Variants in COL27A1 observed in about 807,000 individuals in gnomAD.
COL27A1 encodes collagen type XXVII alpha 1 chain, also known as collagen alpha-1(XXVII) chain.
In COL27A1, 106 loss-of-function variants were observed where a neutral mutation model predicts 251.3. The observed-to-expected ratio is 0.42, with a 90% CI of 0.36 to 0.50. The LOEUF (loss-of-function observed/expected upper bound fraction) is 0.50. Ranked by LOEUF, COL27A1 falls within the 20% of genes least tolerant of loss-of-function variation. COL27A1 has a pLI of 0.00. For missense variants in COL27A1, 2,325 were observed against 2,522.8 expected, an observed-to-expected ratio of 0.92 and a Z score of 1.68; for synonymous variants, 1,000 against 986.3, an observed-to-expected ratio of 1.01 and a Z score of -0.26.
In COL27A1 at chr9:114,292,140, G is replaced by T; in HGVS notation, c.4514G>T (p.Gly1505Val). The stretch of plus-strand genomic sequence containing the variant: ...TTACCCGGACAGCTGGGTCCCCCTG[G>T]CAAGCGAGGAACAGAGGGCAGAACG... ...SGLPGQLGPP[G>V]KRGTEGRTGL... The change falls in exon 49 of 61, where the codon GGC (glycine) becomes GTC (valine). Residue 1505 changes from glycine (G) to valine (V), a missense_variant. By Grantham distance (109) the Gly-to-Val change is moderately radical. Coordinates refer to ENST00000356083, the MANE Select transcript of COL27A1 (RefSeq NM_032888.4). 1 of 1,561,422 alleles carries T rather than the reference G, an allele frequency of 6.4e-7. No individual in the cohort carries two copies. Among genetic ancestry groups the T allele is most frequent in the Non-Finnish European group, 8.7e-7 (1 of 1,152,540 alleles).
intron 29 of COL27A1, 104 bp from the exon 30 acceptor site, chr9:114,264,820 G>A: frequency 8.2e-7 from 1 of 1,213,900 alleles, no homozygotes; most frequent in Non-Finnish European, 1.2e-6. Context: ...CAGACTCTGT[G>A]GCCTCAAACG....
intron 12 of COL27A1, among the ~76,000 whole-genome samples, chr9:114,214,995 T>A (rs1830626202): frequency 6.6e-6 from 1 of 152,224 alleles, no homozygotes; most frequent in South Asian, 2.1e-4. Flanking sequence ...CTTCTCCAAA[T>A]GTACTTTCAA....
chr9:114,233,833 T>G (rs1049929632), intron 16 of COL27A1, among the ~76,000 whole-genome samples: 5 of 152,134 alleles, frequency 3.3e-5, no homozygotes, highest in Admixed American at 6.5e-5. Flanking sequence ...CAAATGTCTT[T>G]AGGGGAAAAA....
At chr9:114,215,077 A>G (rs1414151744) in intron 12 of COL27A1, among the ~76,000 whole-genome samples, 1 of 152,248 alleles carries the variant, frequency 6.6e-6, no homozygotes, top group African/African-American at 2.4e-5. Context: ...CAGGACTGCC[A>G]AGGCTGGCCT....
chr9:114,160,684 G>GAA (rs34482323), intron 1 of COL27A1, among the ~76,000 whole-genome samples: 1 of 134,448 alleles, frequency 7.4e-6, no homozygotes, highest in East Asian at 2.3e-4. Context: ...AAAAAAAAAT[G>GAA]AAAAAAAAAA....
At chr9:114,251,859 C>T (rs1833566217) in intron 25 of COL27A1, among the ~76,000 whole-genome samples, 1 of 152,244 alleles carries the variant, frequency 6.6e-6, no homozygotes, top group Non-Finnish European at 1.5e-5. Flanking sequence ...CACCTTAGCA[C>T]CATGACCCCC....
At chr9:114,289,077 G>T (rs1414282127) in intron 44 of COL27A1, 110 bp downstream of exon 44, 22 of 1,429,528 alleles carry the variant, frequency 1.5e-5, no homozygotes, top group Non-Finnish European at 1.4e-5. Flanking sequence ...CCTGCAGGAG[G>T]GTCTGGGGCA....
chr9:114,168,343 A>G lies in COL27A1; in HGVS notation c.788A>G (p.Asp263Gly). Residue 263 changes from aspartate (D) to glycine (G), a missense_variant, in exon 3 of 61, where the codon GAC becomes GGC. Physicochemically the swap from Asp to Gly is moderately conservative, Grantham distance 94 (BLOSUM62 -1). Transcript: ENST00000356083. ...GGCAGACCTTTTACCTTCCAGTCCG[A>G]CCTCGCCCTGCTAGGCCTGGAGAAC... ...DSGRPFTFQS[D>G]LALLGLENLT... 3.1e-6 allele frequency: 5 copies of G among 1,613,036 alleles called. No homozygotes were observed. The highest frequency in any genetic ancestry group is 4.2e-6 in the Non-Finnish European group (5 of 1,179,942).
chr9:114,231,162 C>T, intron 15 of COL27A1, 30 bp downstream of exon 15: 1 of 1,610,060 alleles, frequency 6.2e-7, no homozygotes. Context: ...CCGATTCAGG[C>T]CTTGTCCAAG....
chr9:114,162,735 T>A lies in COL27A1; in HGVS notation c.83T>A (p.Ile28Asn). ...ARGGGFLFSW[I>N]LVSFACHLAS... ...TCTAGGGGGTTTCTCTTCTCCTGGA[T>A]CTTAGTCTCGTTTGCCTGTCACCTG... The change falls in exon 2 of 61, where the codon ATC (isoleucine) becomes AAC (asparagine). Residue 28 changes from isoleucine to asparagine, a missense_variant. Physicochemically the swap from Ile to Asn is moderately radical, Grantham distance 149. This residue lies in a region of COL27A1 where 1,183 missense variants were observed against 1,144.1 expected (regional missense o/e 1.03). Transcript: ENST00000356083. The A allele has an allele frequency of 1.2e-6, 2 of 1,612,794 alleles. No homozygotes were observed. The highest frequency in any genetic ancestry group is 1.7e-6 in the Non-Finnish European group (2 of 1,179,652).
At chr9:114,283,895 A>C in intron 40 of COL27A1, 133 bp downstream of exon 40, 1 of 896,054 alleles carries the variant, frequency 1.1e-6, no homozygotes, top group Non-Finnish European at 1.7e-6. Context: ...GTGGGGTCTC[A>C]CCTGCCCCAG....
chr9:114,155,786 C>A lies in COL27A1; in HGVS notation c.-165C>A, dbSNP rs1292584215. 7.8e-6 allele frequency: 3 copies of A among 382,464 alleles called. No homozygotes were observed. The highest frequency in any genetic ancestry group is 4.4e-5 in the African/African-American group (2 of 45,580). 23.7% of individuals were successfully genotyped at this position (382,464 alleles called of 1,614,324 possible). On this transcript the variant is annotated 5_prime_UTR_variant, in exon 1 of 61. Coordinates refer to ENST00000356083, the MANE Select transcript of COL27A1 (RefSeq NM_032888.4). The surrounding 1 kb of genome is among the most constrained non-coding windows in gnomAD (Gnocchi z 5.5). ...GCGCGGGCGCCCGCGGGGCCCCAGC[C>A]GCGCTGCCTGCCTGCTCGGGCGCCC...
chr9:114,219,912 C>A, intron 13 of COL27A1, 68 bp downstream of exon 13: 2 of 1,236,414 alleles, frequency 1.6e-6, no homozygotes, highest in Non-Finnish European at 2.4e-6. Flanking sequence ...TTTTAGGAGC[C>A]CACGCTTTAG....
chr9:114,291,033 C>A, intron 48 of COL27A1, 116 bp downstream of exon 48: 1 of 683,802 alleles, frequency 1.5e-6, no homozygotes, highest in Non-Finnish European at 2.4e-6. Flanking sequence ...AAATGGAGTC[C>A]ACATTGTTGA....
rs186850634 is a variant in COL27A1 at position 114,227,282 on chromosome 9, A to G, written c.2467-3797A>G. 3.6e-3 allele frequency among the ~76,000 whole-genome samples: 544 copies of G among 150,472 alleles called. 4 individuals carry two copies. Among genetic ancestry groups the G allele is most frequent in the African/African-American group, 0.013 (531 of 40,862 alleles). On this transcript the variant is annotated intron_variant, in intron 14 of 60. Transcript: ENST00000356083. ...GACCTGATGCCCTGTCTCATGTGAG[A>G]CATAGCAATAGGAAAGGCAACCTTG...
At chr9:114,229,919 G>T (rs1161848323) in intron 14 of COL27A1, among the ~76,000 whole-genome samples, 2 of 152,192 alleles carry the variant, frequency 1.3e-5, no homozygotes, top group African/African-American at 2.4e-5. Flanking sequence ...GTGCACTGCA[G>T]CATGCTCAGC....
intron 60 of COL27A1, among the ~76,000 whole-genome samples, chr9:114,310,281 T>C (rs769027258): frequency 6.6e-6 from 1 of 152,220 alleles, no homozygotes; most frequent in Non-Finnish European, 1.5e-5. Context: ...ACTTGTTTTT[T>C]GGTCTAGCAA....
chr9:114,178,258 C>T (rs747859207), intron 3 of COL27A1, 33 bp from the exon 4 acceptor site: 1 of 1,591,636 alleles, frequency 6.3e-7, no homozygotes, highest in Admixed American at 1.7e-5. Context: ...CCAGTGGGCA[C>T]TGTCTAATGC....
intron 13 of COL27A1, among the ~76,000 whole-genome samples, chr9:114,220,148 C>T (rs967814695): frequency 2.0e-5 from 3 of 152,192 alleles, no homozygotes; most frequent in African/African-American, 7.2e-5. Flanking sequence ...TGGAGAGGCC[C>T]CAGCTGCTGC....
Sources: allele counts gnomAD v4.1 joint callset (sites outside exome capture counted in the v4.1 genomes callset), GRCh38; gene constraint gnomAD v4.1.1; regional missense constraint gnomAD v4.1.1; non-coding constraint Gnocchi (gnomAD v3.1); transcripts MANE v1.5; gene names NCBI Gene and HGNC (gene_info 2026-07-23, HGNC 2026-07-21).